The following NFATC1 variants were observed in gnomAD, a reference collection of about 807,000 sequenced individuals.
The protein encoded by NFATC1 is nuclear factor of activated T-cells, cytoplasmic 1.
A neutral mutation model predicts 76.0 loss-of-function variants in NFATC1; 22 were observed. That is an observed-to-expected ratio of 0.29 (90% CI 0.21 to 0.41). The LOEUF is 0.41. Ranked by LOEUF, NFATC1 falls within the 10% of genes least tolerant of loss-of-function variation. The pLI is 1.00. For synonymous variants in NFATC1, 704 were observed against 613.1 expected (o/e 1.15, Z -2.19); for missense variants, 1,357 against 1,337.7 (o/e 1.01, Z -0.23).
At chr18:79,482,564 G>A (rs527497699) in intron 8 of NFATC1, among the ~76,000 whole-genome samples, 27 of 141,216 alleles carry the variant, frequency 1.9e-4, no homozygotes, top group Non-Finnish European at 3.8e-4. Context: ...TTCCTGAGGT[G>A]TAATTCCAGC....
chr18:79,528,113 G>A lies in NFATC1; in HGVS notation c.*536G>A, dbSNP rs752098456. 1.1e-4 allele frequency: 43 copies of A among 398,818 alleles called. No individual in the cohort carries two copies. Among genetic ancestry groups the A allele is most frequent in the Middle Eastern group, 6.2e-4 (1 of 1,604 alleles). 24.7% of individuals were successfully genotyped at this position (398,818 alleles called of 1,614,324 possible). ...AGTATGAGTCTCCAACATTTGGAACGTTTCCTGGGCTGTCACGTACACTCC... is the reference window on the plus strand; with the variant it reads ...AGTATGAGTCTCCAACATTTGGAACATTTCCTGGGCTGTCACGTACACTCC... On this transcript the variant is annotated 3_prime_UTR_variant, in exon 10 of 10. Transcript: ENST00000427363.
chr18:79,521,194 G>GGGA (rs1333460888), intron 9 of NFATC1, among the ~76,000 whole-genome samples: 1 of 90,850 alleles, frequency 1.1e-5, no homozygotes, highest in African/African-American at 4.3e-5. Flanking sequence ...TGTGTGTGGG[G>GGGA]GCATCAGCTG....
intron 9 of NFATC1, chr18:79,498,352 A>ATTT (rs1569033946): frequency 1.1e-4 from 14 of 131,744 alleles, no homozygotes; most frequent in Admixed American, 2.8e-4. Context: ...GAGATTTTTA[A>ATTT]AAAAAAAAAA....
chr18:79,406,250 A>G (rs1016123688), intron 1 of NFATC1, among the ~76,000 whole-genome samples: 2 of 152,258 alleles, frequency 1.3e-5, no homozygotes, highest in Non-Finnish European at 2.9e-5. Flanking sequence ...TTGGAAATAA[A>G]TACTCTTTTG....
At chr18:79,525,500 G>C (rs1319518343) in intron 9 of NFATC1, among the ~76,000 whole-genome samples, 3 of 117,448 alleles carry the variant, frequency 2.6e-5, no homozygotes, top group Non-Finnish European at 5.3e-5. Flanking sequence ...GCCTCCCCAC[G>C]TCCCACCGTC....
At chr18:79,402,501 G>A (rs755803633) in intron 1 of NFATC1, 28 of 670,940 alleles carry the variant, frequency 4.2e-5, no homozygotes, top group South Asian at 6.7e-5. Context: ...CCGGAGCTGC[G>A]CCCTTCCCCG....
At chr18:79,520,783 G>C (rs1441547451) in intron 9 of NFATC1, among the ~76,000 whole-genome samples, 2 of 80,992 alleles carry the variant, frequency 2.5e-5, no homozygotes, top group East Asian at 4.7e-4. Context: ...ATGTGTGTGT[G>C]TGTGGGGGGG....
At chr18:79,514,123 A>G (rs2090324557) in intron 9 of NFATC1, among the ~76,000 whole-genome samples, 1 of 152,032 alleles carries the variant, frequency 6.6e-6, no homozygotes, top group Non-Finnish European at 1.5e-5. Context: ...GTTCCCATCT[A>G]GTTGTCATTG....
At chr18:79,432,139 G>A (rs965016197) in intron 2 of NFATC1, among the ~76,000 whole-genome samples, 3 of 152,256 alleles carry the variant, frequency 2.0e-5, no homozygotes, top group African/African-American at 4.8e-5. Context: ...TGCCCTTCTC[G>A]AGAAGCTGCC....
intron 3 of NFATC1, among the ~76,000 whole-genome samples, chr18:79,438,002 G>A (rs781073867): frequency 9.2e-5 from 14 of 152,204 alleles, no homozygotes; most frequent in African/African-American, 2.7e-4. Context: ...AGGCCTTTTC[G>A]TGCAACTCAT....
intron 1 of NFATC1, chr18:79,400,137 G>T (rs1201718764): frequency 2.1e-5 from 20 of 973,338 alleles, no homozygotes; most frequent in Non-Finnish European, 2.4e-5. Context: ...GCGCGCGCGC[G>T]AGGGGGCGGG....
intron 9 of NFATC1, among the ~76,000 whole-genome samples, chr18:79,499,950 C>A (rs2089980431): frequency 6.6e-6 from 1 of 152,066 alleles, no homozygotes; most frequent in Admixed American, 6.5e-5. Context: ...AACACATTTG[C>A]ACATAACAGA....
At chr18:79,434,707 G>C (rs1209030330) in intron 3 of NFATC1, among the ~76,000 whole-genome samples, 2 of 152,272 alleles carry the variant, frequency 1.3e-5, no homozygotes, top group Non-Finnish European at 2.9e-5. Context: ...GTTCAGCAGA[G>C]TGCCTCGTAT....
intron 8 of NFATC1, among the ~76,000 whole-genome samples, chr18:79,471,818 G>A (rs1353987927): frequency 6.6e-6 from 1 of 152,218 alleles, no homozygotes; most frequent in Non-Finnish European, 1.5e-5. Flanking sequence ...GGATCTGGGG[G>A]TCCTTCACCA....
chr18:79,450,802 A>T, intron 4 of NFATC1, 152 bp from the exon 5 acceptor site: 1 of 981,338 alleles, frequency 1.0e-6, no homozygotes, highest in Non-Finnish European at 1.5e-6. Context: ...GCTGGCTTCA[A>T]GGTCTTGTTT....
Position 79,431,711 on chromosome 18 carries a change from T to G in NFATC1, c.1227-1868T>G, listed in dbSNP as rs1239516161. On this transcript the variant is annotated intron_variant, in intron 2 of 9. Coordinates refer to ENST00000427363, the MANE Select transcript of NFATC1 (RefSeq NM_001278669.2). The stretch of plus-strand genomic sequence containing the variant: ...TGGCCTTGTTTTTGTTGTTGTTTGT[T>G]GTTTTTTTTTAGATGGAGTCTCGCT... Among the ~76,000 whole-genome samples, 3 of 152,042 alleles carry G rather than the reference T, an allele frequency of 2.0e-5. No individual in the cohort carries two copies. In the East Asian group the frequency reaches 5.8e-4, roughly 29 times the overall value.
chr18:79,470,041 G>A (rs746216352), intron 8 of NFATC1: 11 of 981,772 alleles, frequency 1.1e-5, no homozygotes, highest in Non-Finnish European at 1.3e-5. Flanking sequence ...TCCGTCCCGC[G>A]TGCCCGCTGC....
At chr18:79,424,449 G>A (rs1199949135) in intron 2 of NFATC1, among the ~76,000 whole-genome samples, 1 of 152,124 alleles carries the variant, frequency 6.6e-6, no homozygotes, top group Admixed American at 6.5e-5. Flanking sequence ...CCTCACGTCG[G>A]AGAAATGCGC....
chr18:79,467,969 AC>A, intron 8 of NFATC1: 1 of 1,018,826 alleles, frequency 9.8e-7, no homozygotes, highest in Non-Finnish European at 1.2e-6. Flanking sequence ...TTTTGCAGGC[AC>A]CTTTAGGAAT....
Sources: allele counts gnomAD v4.1 joint callset (sites outside exome capture counted in the v4.1 genomes callset), GRCh38; gene constraint gnomAD v4.1.1; transcripts MANE v1.5; gene names NCBI Gene and HGNC (gene_info 2026-07-23, HGNC 2026-07-21).